RBM17: variants seen among roughly 807,000 people sequenced by gnomAD.
The protein encoded by RBM17 is RNA binding motif protein 17, also known as splicing factor 45.
A neutral mutation model predicts 53.2 loss-of-function variants in RBM17; 7 were observed. The observed-to-expected ratio is 0.13, with a 90% confidence interval of 0.07 to 0.25. The LOEUF is 0.25. Ranked by LOEUF, RBM17 falls within the 10% of genes least tolerant of loss-of-function variation. RBM17 has a pLI of 1.00. For missense variants in RBM17, 257 were observed against 496.7 expected (o/e 0.52, Z 4.59); for synonymous variants, 167 against 178.1 (o/e 0.94, Z 0.50).
intron 1 of RBM17, among the ~76,000 whole-genome samples, chr10:6,090,384 A>T (rs1382822329): frequency 1.3e-5 from 2 of 152,182 alleles, no homozygotes; most frequent in Non-Finnish European, 2.9e-5. Context: ...TTTAGGGAAT[A>T]TGGGGTAACA....
intron 10 of RBM17, 184 bp downstream of exon 10, chr10:6,114,331 A>G (rs938011628): frequency 8.7e-6 from 4 of 461,376 alleles, no homozygotes; most frequent in African/African-American, 2.0e-5. Context: ...AATGATTTCA[A>G]GTTTTATTTG....
At chr10:6,114,179 C>G (rs1018290048) in intron 10 of RBM17, 32 bp downstream of exon 10, 1 of 1,326,180 alleles carries the variant, frequency 7.5e-7, no homozygotes, top group East Asian at 2.4e-5. Flanking sequence ...GTTTATAACA[C>G]AAGTTGTAAT....
chr10:6,104,935 C>T lies in RBM17; in HGVS notation c.245C>T (p.Pro82Leu). The T allele has an allele frequency of 6.2e-7, 1 of 1,613,536 alleles. No homozygotes were observed. The highest frequency in any genetic ancestry group is 8.5e-7 in the Non-Finnish European group (1 of 1,179,588). The stretch of plus-strand genomic sequence containing the variant: ...TGCTGTTTTTACCTTCCTCAGGATC[C>T]TGTTCCCAGTGGGTTTTCTGCAGGG... ...PPHVAAGLKD[P>L]VPSGFSAGEV... The change falls in exon 4 of 12, where the codon CCT becomes CTT. Residue 82 changes from proline to leucine, a missense_variant. Pro to Leu is a moderately conservative substitution (Grantham distance 98). This residue lies in a region of RBM17 where 127 missense variants were observed against 217.2 expected (regional missense o/e 0.58). Coordinates refer to ENST00000379888, the MANE Select transcript of RBM17 (RefSeq NM_032905.5).
At chr10:6,105,843 A>G (rs1022444349) in intron 4 of RBM17, among the ~76,000 whole-genome samples, 37 of 152,198 alleles carry the variant, frequency 2.4e-4, no homozygotes, top group African/African-American at 8.4e-4. Flanking sequence ...TGATTGAACT[A>G]TTACTATGTT....
chr10:6,095,369 C>T (rs942434860), intron 1 of RBM17, among the ~76,000 whole-genome samples: 4 of 152,060 alleles, frequency 2.6e-5, no homozygotes, highest in African/African-American at 4.8e-5. Context: ...CCCACCACCA[C>T]GCCCAGCTAA....
chr10:6,107,300 C>G (rs1840764781), intron 5 of RBM17, among the ~76,000 whole-genome samples: 1 of 151,936 alleles, frequency 6.6e-6, no homozygotes, highest in Non-Finnish European at 1.5e-5. Flanking sequence ...GCCTCGGCCT[C>G]CAGAGTAGCT....
chr10:6,108,881 C>A (rs556548595), intron 6 of RBM17, 139 bp downstream of exon 6: 449,565 of 610,226 alleles, frequency 0.74, 167,720 homozygotes, highest in Non-Finnish European at 0.77. Context: ...TCACCTGAGG[C>A]CGCACCTGGA....
At chr10:6,097,026 C>T in intron 1 of RBM17, 22 bp from the exon 2 acceptor site, 2 of 1,601,896 alleles carry the variant, frequency 1.2e-6, no homozygotes, top group Non-Finnish European at 1.7e-6. Context: ...ATTCTTTAAT[C>T]CCCACCCCTT....
intron 2 of RBM17, among the ~76,000 whole-genome samples, chr10:6,098,378 G>A (rs1462952411): frequency 1.3e-5 from 2 of 152,022 alleles, no homozygotes; most frequent in Non-Finnish European, 2.9e-5. Flanking sequence ...AATATTTACC[G>A]ATAAGATGAT....
intron 2 of RBM17, among the ~76,000 whole-genome samples, chr10:6,100,883 G>A (rs1236030725): frequency 6.6e-6 from 1 of 152,160 alleles, no homozygotes; most frequent in Non-Finnish European, 1.5e-5. Flanking sequence ...GTAAGGGCAA[G>A]AAGTATGGTA....
chr10:6,098,563 G>GTCTTTTTTTT lies in RBM17; in HGVS notation c.123+1376_123+1377insCTTTTTTTTT, dbSNP rs1554834988. ...AATTTCCGTAATACACAGGTTTTTT[G>GTCTTTTTTTT]TTTTTTTTTTTTTTTTTTTTTTTTT... On this transcript the variant is annotated intron_variant, in intron 2 of 11. Coordinates refer to ENST00000379888, the MANE Select transcript of RBM17 (RefSeq NM_032905.5). 1.5e-4 allele frequency among the ~76,000 whole-genome samples: 7 copies of GTCTTTTTTTT among 46,666 alleles called. 1 individual carries two copies. The highest frequency in any genetic ancestry group is 2.2e-4 in the Non-Finnish European group (5 of 22,536). The allele number at this position is 46,666 out of a possible 152,430, so 30.6% of individuals were successfully genotyped here.
chr10:6,110,194 A>C, intron 7 of RBM17, 67 bp downstream of exon 7: 1 of 1,421,400 alleles, frequency 7.0e-7, no homozygotes, highest in Non-Finnish European at 9.5e-7. Context: ...CCCTTTCAAT[A>C]GATGCAGCTT....
intron 2 of RBM17, among the ~76,000 whole-genome samples, chr10:6,097,649 C>T (rs1840595925): frequency 6.6e-6 from 1 of 152,138 alleles, no homozygotes; most frequent in Non-Finnish European, 1.5e-5. Flanking sequence ...CCAGCCTGAG[C>T]GACAGAGCAA....
chr10:6,095,514 A>G (rs1297258364), intron 1 of RBM17, among the ~76,000 whole-genome samples: 1 of 152,140 alleles, frequency 6.6e-6, no homozygotes, highest in Non-Finnish European at 1.5e-5. Flanking sequence ...GTGCCTGACC[A>G]TCCCTTCATT....
chr10:6,092,751 T>C (rs1840505909), intron 1 of RBM17, among the ~76,000 whole-genome samples: 1 of 152,278 alleles, frequency 6.6e-6, no homozygotes, highest in African/African-American at 2.4e-5. Context: ...TTTGCTGTGA[T>C]GCAGAGATTT....
intron 1 of RBM17, among the ~76,000 whole-genome samples, chr10:6,095,604 G>A (rs1471003623): frequency 3.3e-5 from 5 of 152,300 alleles, no homozygotes; most frequent in East Asian, 3.9e-4. Context: ...GCCTTGCGGG[G>A]ACCTTTCATT....
chr10:6,104,807 A>G, intron 3 of RBM17, 124 bp from the exon 4 acceptor site: 2 of 777,498 alleles, frequency 2.6e-6, no homozygotes, highest in Admixed American at 5.2e-5. Context: ...TTTGTCTTTA[A>G]AACAGAGGAA....
At chr10:6,094,660 G>A (rs1840545562) in intron 1 of RBM17, among the ~76,000 whole-genome samples, 1 of 152,202 alleles carries the variant, frequency 6.6e-6, no homozygotes, top group Non-Finnish European at 1.5e-5. Context: ...ACTCAGCATG[G>A]TTTTTCTGTG....
At chr10:6,115,339 A>G in intron 11 of RBM17, 28 bp downstream of exon 11, 2 of 1,586,006 alleles carry the variant, frequency 1.3e-6, no homozygotes, top group Non-Finnish European at 1.7e-6. Context: ...ATATTAAAGA[A>G]TAAAAAAGTT....
Sources: allele counts gnomAD v4.1 joint callset (sites outside exome capture counted in the v4.1 genomes callset), GRCh38; gene constraint gnomAD v4.1.1; regional missense constraint gnomAD v4.1.1; transcripts MANE v1.5; gene names NCBI Gene and HGNC (gene_info 2026-07-23, HGNC 2026-07-21).